GRID2: variants seen among roughly 807,000 people sequenced by gnomAD.
The protein encoded by GRID2 is glutamate receptor ionotropic, delta-2.
Under a neutral mutation model 114.8 loss-of-function variants are expected in GRID2, and 33 were observed. The ratio of observed to expected loss-of-function variants is 0.29; its 90% CI spans 0.22 to 0.38. The LOEUF (loss-of-function observed/expected upper bound fraction) is 0.38. GRID2 is among the 10% of genes least tolerant of loss of function. GRID2 has a pLI of 1.00. For missense variants in GRID2, 1,184 were observed against 1,257.7 expected, an observed-to-expected ratio of 0.94 and a Z score of 0.89; for synonymous variants, 505 against 449.9, an observed-to-expected ratio of 1.12 and a Z score of -1.55.
At chr4:93,323,611 G>A (rs112387583) in intron 8 of GRID2, among the ~76,000 whole-genome samples, 1 of 152,046 alleles carries the variant, frequency 6.6e-6, no homozygotes, top group Non-Finnish European at 1.5e-5. Context: ...GATTGGGATG[G>A]CATTTAATGT....
chr4:93,674,773 C>T (rs1481125546), intron 14 of GRID2, among the ~76,000 whole-genome samples: 1 of 151,798 alleles, frequency 6.6e-6, no homozygotes, highest in African/African-American at 2.4e-5. Context: ...GCCAACAGAA[C>T]ATCTAAAAAG....
chr4:93,580,911 C>T (rs1487366344), intron 13 of GRID2, among the ~76,000 whole-genome samples: 2 of 144,626 alleles, frequency 1.4e-5, no homozygotes, highest in African/African-American at 5.2e-5. Flanking sequence ...TTCTGGGATA[C>T]ATGTGCAGAT....
rs764054480 is a variant in GRID2 at position 93,515,208 on chromosome 4, T to C, written c.1998-8T>C. On this transcript the variant is annotated splice_region_variant and splice_polypyrimidine_tract_variant and intron_variant, in intron 12 of 15. Transcript: ENST00000282020. ...CTCTTGTGTCTCTCTTCTCTCCCAA[T>C]AATCAAGGTCTCTCCAGGACCTTTC... 1 of 1,433,278 alleles carries C rather than the reference T, an allele frequency of 7.0e-7. No homozygotes were observed. Among genetic ancestry groups the C allele is most frequent in the Non-Finnish European group, 9.5e-7 (1 of 1,050,736 alleles). 88.8% of individuals were successfully genotyped at this position (1,433,278 alleles called of 1,614,324 possible).
intron 2 of GRID2, among the ~76,000 whole-genome samples, chr4:93,059,122 G>C (rs984269490): frequency 6.6e-6 from 1 of 152,058 alleles, no homozygotes; most frequent in Admixed American, 6.6e-5. Flanking sequence ...TAATGTAAAT[G>C]TATCAATCAG....
Position 93,789,563 on chromosome 4 carries a change from G to A in GRID2, c.222-17152G>A, listed in dbSNP as rs572618019. ...AAAGTACATTCTTCTAATATTTTTG[G>A]TGCCACACTTTTCCTTTTTATTCCC... is the stretch of plus-strand genomic sequence containing the variant. On this transcript the variant is annotated intron_variant, in intron 1 of 1. Transcript: ENST00000637838. Among the ~76,000 whole-genome samples, 154 of 152,162 alleles carry A rather than the reference G, an allele frequency of 1.0e-3. No homozygotes were observed. In the Middle Eastern group the frequency reaches 0.017, roughly 17 times the overall value.
rs1260822888 is a variant in GRID2, at chr4:92,787,526, C to T, written c.244+197240C>T. 3.9e-5 allele frequency among the ~76,000 whole-genome samples: 6 copies of T among 151,922 alleles called. No individual in the cohort carries two copies. In the East Asian group the frequency reaches 1.2e-3, roughly 30 times the overall value. ...CTGGTGAAAAGCCCTAAGGCAGGAG[C>T]ATGACTGGTGTGTGAAAACAGCAAA... On this transcript the variant is annotated intron_variant, in intron 2 of 15. Transcript: ENST00000282020.
intron 13 of GRID2, among the ~76,000 whole-genome samples, chr4:93,621,144 CA>C (rs1328113397): frequency 6.6e-6 from 1 of 152,012 alleles, no homozygotes; most frequent in African/African-American, 2.4e-5. Flanking sequence ...ATTTAAACAA[CA>C]ACTGTTAAAG....
intron 8 of GRID2, among the ~76,000 whole-genome samples, chr4:93,256,547 G>T (rs1282766914): frequency 6.6e-6 from 1 of 151,470 alleles, no homozygotes; most frequent in African/African-American, 2.4e-5. Context: ...CCTATATTGA[G>T]GAACAAAAGT....
rs1727987881 is a variant in GRID2, at chr4:93,500,479, C to T, written c.1997+9702C>T. 3.3e-5 allele frequency among the ~76,000 whole-genome samples: 5 copies of T among 151,942 alleles called. No homozygotes were observed. The South Asian group carries it at 1.0e-3, about 32-fold the overall frequency. Reference sequence around the variant, plus strand: ...CCACAATTCTATATATTAATTGTTCCTTTGAGCTGATTCACCTAAATCTCA... The same window carrying T: ...CCACAATTCTATATATTAATTGTTCTTTTGAGCTGATTCACCTAAATCTCA... On this transcript the variant is annotated intron_variant, in intron 12 of 15. Coordinates refer to ENST00000282020, the MANE Select transcript of GRID2 (RefSeq NM_001510.4).
At chr4:93,466,261 AT>A (rs1316079650) in intron 11 of GRID2, among the ~76,000 whole-genome samples, 2 of 152,110 alleles carry the variant, frequency 1.3e-5, no homozygotes, top group Non-Finnish European at 2.9e-5. Context: ...CTGAAATTTC[AT>A]TTTTTATTTT....
At chr4:93,176,822 C>T (rs1384383319) in intron 4 of GRID2, among the ~76,000 whole-genome samples, 1 of 152,120 alleles carries the variant, frequency 6.6e-6, no homozygotes, top group South Asian at 2.1e-4. Flanking sequence ...TATGTTATCT[C>T]TGAAGTGGGA....
intron 1 of GRID2, among the ~76,000 whole-genome samples, chr4:92,359,890 A>G (rs1435181877): frequency 2.6e-5 from 4 of 151,904 alleles, no homozygotes; most frequent in Non-Finnish European, 1.5e-5. Flanking sequence ...GATATTGACT[A>G]TTTCTGAAAA....
At chr4:93,484,440 AT>A (rs909957984) in intron 11 of GRID2, among the ~76,000 whole-genome samples, 1 of 151,874 alleles carries the variant, frequency 6.6e-6, no homozygotes, top group Non-Finnish European at 1.5e-5. Flanking sequence ...GTTGTGCAAT[AT>A]TTTATTGTTT....
chr4:93,106,993 A>G (rs1341039940), intron 3 of GRID2, among the ~76,000 whole-genome samples: 2 of 152,172 alleles, frequency 1.3e-5, no homozygotes, highest in Non-Finnish European at 2.9e-5. Context: ...CAATCTTTGA[A>G]GACTTCTATA....
At chr4:92,808,231 A>G (rs1205655412) in intron 2 of GRID2, among the ~76,000 whole-genome samples, 2 of 152,002 alleles carry the variant, frequency 1.3e-5, no homozygotes, top group Admixed American at 6.6e-5. Context: ...TGAAACATTT[A>G]TTTAACTCCA....
chr4:93,221,742 A>G (rs769219303), intron 6 of GRID2, among the ~76,000 whole-genome samples: 4 of 151,816 alleles, frequency 2.6e-5, no homozygotes, highest in Non-Finnish European at 5.9e-5. Context: ...ACTTGCCTGC[A>G]AAAGAAAAAG....
chr4:92,311,676 T>C (rs1250854580), intron 1 of GRID2, among the ~76,000 whole-genome samples: 2 of 152,094 alleles, frequency 1.3e-5, no homozygotes, highest in African/African-American at 2.4e-5. Context: ...AGATATTTGC[T>C]TCATTAATAA....
At chr4:93,095,893 T>C (rs982041745) in intron 3 of GRID2, among the ~76,000 whole-genome samples, 3 of 152,048 alleles carry the variant, frequency 2.0e-5, no homozygotes, top group African/African-American at 7.2e-5. Flanking sequence ...TTTGAAGAAA[T>C]TGATAAGCTG....
chr4:93,556,734 G>A (rs992336734), intron 13 of GRID2, among the ~76,000 whole-genome samples: 1 of 152,020 alleles, frequency 6.6e-6, no homozygotes, highest in Non-Finnish European at 1.5e-5. Flanking sequence ...TCAAATTCAG[G>A]AAATATAGAG....
Sources: gnomAD v4.1 joint callset for allele counts (sites outside exome capture counted in the v4.1 genomes callset) on GRCh38, gnomAD v4.1.1 for gene constraint, MANE v1.5 for transcripts, NCBI Gene and HGNC (gene_info 2026-07-23, HGNC 2026-07-21) for gene names.